The following MPP7 variants were observed in gnomAD, a reference collection of about 807,000 sequenced individuals.
MPP7 encodes the protein MAGUK p55 subfamily member 7.
Under a neutral mutation model 76.5 loss-of-function variants are expected in MPP7, and 60 were observed. The ratio of observed to expected loss-of-function variants is 0.78; its 90% CI spans 0.64 to 0.97. MPP7 has a LOEUF of 0.97. Among genes scored for constraint, MPP7 ranks in the 50% least tolerant of loss-of-function variants. The pLI is 0.00. For synonymous variants in MPP7, 237 were observed against 244.5 expected (o/e 0.97, Z 0.29); for missense variants, 641 against 694.0 (o/e 0.92, Z 0.86).
intron 1 of MPP7, among the ~76,000 whole-genome samples, chr10:28,293,744 G>A (rs1840976482): frequency 6.6e-6 from 1 of 152,196 alleles, no homozygotes; most frequent in Non-Finnish European, 1.5e-5. Context: ...TACATACCAG[G>A]AACTGCATCC....
intron 3 of MPP7, among the ~76,000 whole-genome samples, chr10:28,154,587 T>C (rs1024512497): frequency 6.6e-6 from 1 of 152,158 alleles, no homozygotes; most frequent in Non-Finnish European, 1.5e-5. Context: ...CAACAAACCA[T>C]CAACATTTTC....
intron 2 of MPP7, among the ~76,000 whole-genome samples, chr10:28,324,572 C>A (rs1834394260): frequency 6.6e-6 from 1 of 152,116 alleles, no homozygotes; most frequent in Non-Finnish European, 1.5e-5. Flanking sequence ...ATTCTATATG[C>A]ATAAAATAGA....
At position 28,053,987 on chromosome 10, in the gene MPP7, A is replaced by T. The variant is rs76615154; in HGVS notation, c.*78T>A. On this transcript the variant is annotated 3_prime_UTR_variant, in exon 17 of 17. Transcript: ENST00000683449. ...ACATCTATGACAGTGATATAGATTTAAAAACCCTACTACCAAAACTGTAAT... is the reference window on the plus strand; with the variant it reads ...ACATCTATGACAGTGATATAGATTTTAAAACCCTACTACCAAAACTGTAAT... 0.02 allele frequency: 22,992 copies of T among 1,122,778 alleles called. 953 individuals carry two copies. Among genetic ancestry groups the T allele is most frequent in the East Asian group, 0.14 (6,072 of 42,660 alleles). 69.6% of individuals were successfully genotyped at this position (1,122,778 alleles called of 1,614,324 possible). A position where few individuals can be genotyped will look rare whatever the true frequency, so the allele number is the denominator to read the frequency against.
chr10:28,161,925 T>C (rs933763007), intron 3 of MPP7, among the ~76,000 whole-genome samples: 3 of 152,214 alleles, frequency 2.0e-5, no homozygotes, highest in Non-Finnish European at 4.4e-5. Context: ...AGGTAAAATC[T>C]GATTACTTTC....
At chr10:28,161,358 G>A (rs1353088378) in intron 3 of MPP7, among the ~76,000 whole-genome samples, 5 of 34,696 alleles carry the variant, frequency 1.4e-4, no homozygotes, top group East Asian at 2.0e-3. Flanking sequence ...CCCACCCCCC[G>A]CAGGTTTTAT....
In MPP7 at chr10:28,164,986, G is replaced by A. The variant is rs569583759; in HGVS notation, c.157-14927C>T. The stretch of plus-strand genomic sequence containing the variant: ...AAACAGAAACATGGGGGAATTATGA[G>A]TTAATGAATGGCTTAACACAATAAT... On this transcript the variant is annotated intron_variant, in intron 3 of 16. Coordinates refer to ENST00000683449, the MANE Select transcript of MPP7 (RefSeq NM_001318170.2). 3.7e-3 allele frequency among the ~76,000 whole-genome samples: 564 copies of A among 152,296 alleles called. 4 individuals are homozygous for A. Among genetic ancestry groups the A allele is most frequent in the Non-Finnish European group, 6.2e-3 (422 of 68,030 alleles).
In MPP7 at chr10:28,056,499, C is replaced by T. The variant is rs1164256164; in HGVS notation, c.1532G>A (p.Gly511Asp). The T allele has an allele frequency of 6.2e-7, 1 of 1,612,764 alleles. No individual in the cohort carries two copies. The highest frequency in any genetic ancestry group is 8.5e-7 in the Non-Finnish European group (1 of 1,179,738). ...AKIISSRDDQ[G>D]AAKPFTEEDF... ...ACTTACTGTGAAGGGTTTTGCAGCA[C>T]CTTGGTCATCTCTGCTTGAAATAAT... The change falls in exon 16 of 17, where the codon GGT (glycine) becomes GAT (aspartate). Residue 511 changes from glycine (G) to aspartate (D), a missense_variant. Gly to Asp is a moderately conservative substitution (Grantham distance 94, BLOSUM62 -1). Coordinates refer to ENST00000683449, the MANE Select transcript of MPP7 (RefSeq NM_001318170.2).
chr10:28,253,581 T>TTAAC (rs754055118), intron 1 of MPP7, among the ~76,000 whole-genome samples: 1 of 152,186 alleles, frequency 6.6e-6, no homozygotes, highest in Non-Finnish European at 1.5e-5. Flanking sequence ...TTCCTTATAG[T>TTAAC]TGATAGGTCC....
chr10:28,240,266 A>C (rs539955575), intron 1 of MPP7, among the ~76,000 whole-genome samples: 88 of 152,318 alleles, frequency 5.8e-4, no homozygotes, highest in Middle Eastern at 3.4e-3. Context: ...AGACTGGTTC[A>C]CATCAATTCT....
intron 11 of MPP7, among the ~76,000 whole-genome samples, chr10:28,101,676 C>T (rs1853830837): frequency 6.6e-6 from 1 of 152,016 alleles, no homozygotes; most frequent in Non-Finnish European, 1.5e-5. Context: ...AAAAGAGATG[C>T]ATGGTAAGTG....
At chr10:28,334,493 C>G (rs1458187250), upstream of MPP7, 1 of 152,144 alleles carries the variant, frequency 6.6e-6, no homozygotes, top group African/African-American at 2.4e-5. Context: ...TTGCTTCTTT[C>G]TTTAGTTGCC....
intron 3 of MPP7, among the ~76,000 whole-genome samples, chr10:28,173,570 T>C (rs1836759170): frequency 6.6e-6 from 1 of 152,246 alleles, no homozygotes; most frequent in South Asian, 2.1e-4. Context: ...CAAGAGCAGA[T>C]GTTGGCACCA....
intron 2 of MPP7, among the ~76,000 whole-genome samples, chr10:28,214,984 T>C (rs996990903): frequency 2.0e-5 from 3 of 152,122 alleles, no homozygotes; most frequent in African/African-American, 7.2e-5. Context: ...CTGCACTCGA[T>C]GGATCAGCTG....
intron 1 of MPP7, among the ~76,000 whole-genome samples, chr10:28,261,801 C>T (rs532449893): frequency 2.0e-4 from 30 of 152,032 alleles, no homozygotes; most frequent in African/African-American, 7.0e-4. Context: ...AACCTCAACA[C>T]TTTGGGAGGC....
chr10:28,125,816 C>T (rs1834999532), intron 6 of MPP7, among the ~76,000 whole-genome samples: 2 of 152,038 alleles, frequency 1.3e-5, no homozygotes, highest in African/African-American at 4.8e-5. Flanking sequence ...AAAAAGAAGC[C>T]AAAAATTCTT....
At chr10:28,087,862 C>T (rs1425862340) in intron 12 of MPP7, among the ~76,000 whole-genome samples, 13 of 152,130 alleles carry the variant, frequency 8.5e-5, no homozygotes, top group Non-Finnish European at 1.5e-5. Context: ...CTGGGAAATG[C>T]ATGTTCTCTC....
At chr10:28,130,533 T>C (rs932702746) in intron 6 of MPP7, among the ~76,000 whole-genome samples, 1 of 152,214 alleles carries the variant, frequency 6.6e-6, no homozygotes, top group South Asian at 2.1e-4. Flanking sequence ...TTCCTGACCA[T>C]CCACTTGCTA....
At chr10:28,178,086 G>A (rs1004637640) in intron 3 of MPP7, among the ~76,000 whole-genome samples, 1 of 152,082 alleles carries the variant, frequency 6.6e-6, no homozygotes, top group African/African-American at 2.4e-5. Flanking sequence ...GAGTTTTTAA[G>A]TTCTGGCACT....
intron 11 of MPP7, among the ~76,000 whole-genome samples, chr10:28,101,027 G>C (rs1361043185): frequency 6.6e-6 from 1 of 152,062 alleles, no homozygotes; most frequent in Non-Finnish European, 1.5e-5. Flanking sequence ...TAAAAATATG[G>C]TTCTGAACAG....
Sources: allele counts gnomAD v4.1 joint callset (sites outside exome capture counted in the v4.1 genomes callset), GRCh38; gene constraint gnomAD v4.1.1; transcripts MANE v1.5; gene names NCBI Gene and HGNC (gene_info 2026-07-23, HGNC 2026-07-21).